DNPEP: variants seen among roughly 807,000 people sequenced by gnomAD.
DNPEP encodes the protein aspartyl aminopeptidase.
In DNPEP, 46 loss-of-function variants were observed where a neutral mutation model predicts 59.1. The observed-to-expected ratio is 0.78, with a 90% confidence interval of 0.61 to 0.99. The LOEUF (loss-of-function observed/expected upper bound fraction) is 0.99. Ranked by LOEUF, DNPEP falls within the 50% of genes least tolerant of loss-of-function variation. The pLI, the probability that DNPEP is intolerant of heterozygous loss-of-function variation, is 0.00. For synonymous variants in DNPEP, 229 were observed against 242.2 expected (o/e 0.95, Z 0.50); for missense variants, 617 against 649.9 (o/e 0.95, Z 0.55).
upstream of DNPEP, among the ~76,000 whole-genome samples, chr2:219,388,181 G>A (rs1338768591): frequency 5.0e-5 from 6 of 120,362 alleles, no homozygotes; most frequent in Non-Finnish European, 1.0e-4. Context: ...CCCTCGTCAA[G>A]CTTCCTCGTC....
intron 4 of DNPEP, 124 bp from the exon 5 acceptor site, chr2:219,386,535 A>T: frequency 2.0e-6 from 3 of 1,486,476 alleles, no homozygotes; most frequent in Non-Finnish European, 2.8e-6. Flanking sequence ...GGTGTGAAGG[A>T]AGGGGCCAAC....
At chr2:219,383,409 T>C (rs1026421242) in intron 9 of DNPEP, among the ~76,000 whole-genome samples, 195 bp from the exon 10 acceptor site, 3 of 152,138 alleles carry the variant, frequency 2.0e-5, no homozygotes, top group African/African-American at 7.2e-5. Context: ...GGACCTTTTT[T>C]TTCTTGCCAA....
intron 13 of DNPEP, 106 bp from the exon 14 acceptor site, chr2:219,375,128 C>T (rs1480415360): frequency 8.5e-7 from 1 of 1,171,100 alleles, no homozygotes; most frequent in East Asian, 2.4e-5. Context: ...GGGAGATGGT[C>T]CATTCGGAGC....
chr2:219,376,703 T>C (rs79786627), intron 13 of DNPEP, among the ~76,000 whole-genome samples: 4,092 of 152,228 alleles, frequency 0.027, 175 homozygotes, highest in East Asian at 0.085. Context: ...ACTGAAAGAA[T>C]TCAGGGGAAG....
intron 1 of DNPEP, among the ~76,000 whole-genome samples, chr2:219,396,821 T>C (rs1954105860): frequency 6.6e-6 from 1 of 152,192 alleles, no homozygotes; most frequent in African/African-American, 2.4e-5. Flanking sequence ...TGTAACCATC[T>C]GGGGAAACTG....
chr2:219,386,651 TC>T lies in DNPEP; in HGVS notation c.333+13del, dbSNP rs1953851128. 6.9e-6 allele frequency: 11 copies of T among 1,604,626 alleles called. No homozygotes were observed. The highest frequency in any genetic ancestry group is 9.4e-6 in the Non-Finnish European group (11 of 1,176,062). ...GACATCTCCTCCCACCCCAACACCG[TC>T]CGAGTTCCTTACCCGGAGGCAGGGG... On this transcript the variant is annotated intron_variant, in intron 4 of 14. Coordinates refer to ENST00000273075, the MANE Select transcript of DNPEP (RefSeq NM_012100.4).
At chr2:219,387,647 T>C (rs1338764090) in intron 1 of DNPEP, 112 bp downstream of exon 1, 2 of 1,557,698 alleles carry the variant, frequency 1.3e-6, no homozygotes, top group African/African-American at 2.7e-5. Context: ...GGCTTTCGGT[T>C]TCGCTTTGGG....
intron 3 of DNPEP, 22 bp from the exon 4 acceptor site, chr2:219,386,800 A>G: frequency 6.2e-7 from 1 of 1,611,834 alleles, no homozygotes; most frequent in Non-Finnish European, 8.5e-7. Flanking sequence ...GGGAGGAAAG[A>G]CAGGGGTGTG....
chr2:219,396,593 AAAAG>A (rs1954100836), intron 1 of DNPEP, among the ~76,000 whole-genome samples: 1 of 151,972 alleles, frequency 6.6e-6, no homozygotes, highest in Non-Finnish European at 1.5e-5. Flanking sequence ...ATCTCAAAAA[AAAAG>A]AAAAAAAAAG....
In DNPEP at chr2:219,375,007, TC is replaced by T; in HGVS notation, c.1254del (p.Asn419MetfsTer24). On this transcript the variant is annotated frameshift_variant, in exon 14 of 15. Transcript: ENST00000273075. LOFTEE classifies it high-confidence loss of function. ...ATGGTGGTTCCACAGGGGGTGTCAT[TC>T]CGGACCATGAGATCCTAGGGAGAGC... ...VKVPLQDLMV[R>X]NDTPCGTTIG... 1 of 1,613,956 alleles carries T rather than the reference TC, an allele frequency of 6.2e-7. No individual in the cohort carries two copies. Among genetic ancestry groups the T allele is most frequent in the Non-Finnish European group, 8.5e-7 (1 of 1,180,004 alleles).
At chr2:219,395,707 C>T (rs1203347379) in intron 1 of DNPEP, among the ~76,000 whole-genome samples, 1 of 152,206 alleles carries the variant, frequency 6.6e-6, no homozygotes, top group South Asian at 2.1e-4. Flanking sequence ...CATCAGCAAA[C>T]CCTGCCTCCC....
intron 13 of DNPEP, among the ~76,000 whole-genome samples, chr2:219,376,433 A>C (rs914060840): frequency 6.6e-6 from 1 of 151,470 alleles, no homozygotes; most frequent in African/African-American, 2.4e-5. Flanking sequence ...GGTTGCAGTG[A>C]GCTGAGATTG....
At chr2:219,388,050 C>T, upstream of DNPEP, 1 of 744,724 alleles carries the variant, frequency 1.3e-6, no homozygotes, top group Non-Finnish European at 1.8e-6. Context: ...CTGGGCACCA[C>T]CACCCGCCTT....
intron 11 of DNPEP, 145 bp from the exon 12 acceptor site, chr2:219,381,729 G>A: frequency 2.0e-6 from 2 of 1,023,224 alleles, no homozygotes; most frequent in Admixed American, 3.6e-5. Context: ...CACACACAGG[G>A]TTCCGGGCAG....
Position 219,383,324 on chromosome 2 carries a change from T to A in DNPEP, c.853-110A>T, listed in dbSNP as rs1005721701. 7.8e-5 allele frequency: 66 copies of A among 846,118 alleles called. No individual in the cohort carries two copies. The African/African-American group carries it at 1.0e-3, about 13-fold the overall frequency. The allele number at this position is 846,118 out of a possible 1,614,324, so 52.4% of individuals were successfully genotyped here. A position where few individuals can be genotyped will look rare whatever the true frequency, so the allele number is the denominator to read the frequency against. The stretch of plus-strand genomic sequence containing the variant: ...CCCCCATCCACCAGCACCTTGGGTG[T>A]GCACATTCCCCTGTCTGCCTTCCAT... On this transcript the variant is annotated intron_variant, in intron 9 of 14. Coordinates refer to ENST00000273075, the MANE Select transcript of DNPEP (RefSeq NM_012100.4).
At chr2:219,388,709 G>A (rs767335098), upstream of DNPEP, 13 of 985,610 alleles carry the variant, frequency 1.3e-5, no homozygotes, top group Non-Finnish European at 1.6e-5. Flanking sequence ...CACCGGGTCC[G>A]ACGGGTACGG....
In DNPEP at chr2:219,374,240, A is replaced by G. The variant is rs1953278595; in HGVS notation, c.*52T>C. 1 of 1,523,988 alleles carries G rather than the reference A, an allele frequency of 6.6e-7. No homozygotes were observed. Among genetic ancestry groups the G allele is most frequent in the Admixed American group, 1.7e-5 (1 of 59,632 alleles). The allele number at this position is 1,523,988 out of a possible 1,614,324, so 94.4% of individuals were successfully genotyped here. On this transcript the variant is annotated 3_prime_UTR_variant, in exon 15 of 15. Coordinates refer to ENST00000273075, the MANE Select transcript of DNPEP (RefSeq NM_012100.4). ...ATAATCCAGCTTCAGCTCAGCTGAG[A>G]ACTTCCCCTCTCAGGTGCAAAGGGA...
At chr2:219,385,365 TA>T in intron 8 of DNPEP, 58 bp downstream of exon 8, 6 of 1,207,314 alleles carry the variant, frequency 5.0e-6, no homozygotes, top group Non-Finnish European at 7.3e-6. Flanking sequence ...CAGGACGGGC[TA>T]GGGGTGGCCA....
chr2:219,395,884 T>C (rs1186947987), intron 1 of DNPEP, among the ~76,000 whole-genome samples: 2 of 152,220 alleles, frequency 1.3e-5, no homozygotes, highest in African/African-American at 2.4e-5. Context: ...AATTTTACTT[T>C]GCTGCTGCAA....
Sources: gnomAD v4.1 joint callset for allele counts (sites outside exome capture counted in the v4.1 genomes callset) on GRCh38, gnomAD v4.1.1 for gene constraint, MANE v1.5 for transcripts, NCBI Gene and HGNC (gene_info 2026-07-23, HGNC 2026-07-21) for gene names.